Variants in SMARCC1 observed in about 807,000 individuals in gnomAD.
SMARCC1 encodes the protein SWI/SNF related BAF chromatin remodeling complex subunit C1.
A neutral mutation model predicts 147.4 loss-of-function variants in SMARCC1; 43 were observed. That is an observed-to-expected ratio of 0.29 (90% CI 0.23 to 0.38). The LOEUF (loss-of-function observed/expected upper bound fraction) is 0.38, where lower values mean the gene tolerates loss of function less well. Ranked by LOEUF, SMARCC1 falls within the 10% of genes least tolerant of loss-of-function variation. The pLI is 1.00. For synonymous variants in SMARCC1, 495 were observed against 484.4 expected (o/e 1.02, Z -0.29); for missense variants, 1,119 against 1,381.1 (o/e 0.81, Z 3.01).
intron 27 of SMARCC1, among the ~76,000 whole-genome samples, chr3:47,590,340 C>T (rs912528031): frequency 5.9e-5 from 9 of 152,084 alleles, no homozygotes; most frequent in African/African-American, 1.9e-4. Flanking sequence ...AAACCACCAC[C>T]AGTAGCTCTA....
intron 26 of SMARCC1, chr3:47,603,974 A>G (rs530955334): frequency 2.2e-6 from 1 of 455,648 alleles, no homozygotes; most frequent in Admixed American, 2.4e-5. Context: ...GCCAAGGAAG[A>G]GCAATAGAGG....
chr3:47,621,532 T>C (rs1338543596), intron 25 of SMARCC1, among the ~76,000 whole-genome samples: 1 of 152,158 alleles, frequency 6.6e-6, no homozygotes, highest in Non-Finnish European at 1.5e-5. Context: ...CTGGAGGCCA[T>C]TATTCTAAGT....
intron 25 of SMARCC1, 71 bp from the exon 26 acceptor site, chr3:47,610,398 A>G (rs2032548205): frequency 2.0e-6 from 3 of 1,526,612 alleles, no homozygotes. Flanking sequence ...ACAAAGGACA[A>G]CTACATAATG....
chr3:47,738,213 TTAAAA>T, intron 3 of SMARCC1, 103 bp from the exon 4 acceptor site: 1 of 674,342 alleles, frequency 1.5e-6, no homozygotes. Flanking sequence ...GATTTGAAAA[TTAAAA>T]TAACTCTACA....
rs529591722 is a variant in SMARCC1 at position 47,733,533 on chromosome 3, G to A, written c.576+2501C>T. ...CACTTTGGGCAGATCATGAAGTCAG[G>A]AATTCGAGACCAGCCTTTCCAATAT... is the stretch of plus-strand genomic sequence containing the variant. On this transcript the variant is annotated intron_variant, in intron 5 of 27. Transcript: ENST00000254480. Among the ~76,000 whole-genome samples the A allele has an allele frequency of 2.0e-5, 3 of 152,114 alleles. No individual in the cohort carries two copies. In the East Asian group the frequency reaches 5.8e-4, roughly 29 times the overall value.
intron 2 of SMARCC1, among the ~76,000 whole-genome samples, chr3:47,753,414 T>C (rs978485532): frequency 5.3e-5 from 8 of 151,286 alleles, no homozygotes; most frequent in South Asian, 4.2e-4. Flanking sequence ...CCTTTATTTA[T>C]TCATAAAAGA....
intron 8 of SMARCC1, 129 bp from the exon 9 acceptor site, chr3:47,710,937 C>CA (rs1294000171): frequency 6.8e-6 from 4 of 587,034 alleles, no homozygotes; most frequent in Non-Finnish European, 1.1e-5. Context: ...TAATGTGATA[C>CA]TACTAATGAT....
chr3:47,632,368 G>A lies in SMARCC1; in HGVS notation c.2646+2822C>T, dbSNP rs140717425. On this transcript the variant is annotated intron_variant, in intron 24 of 27. Coordinates refer to ENST00000254480, the MANE Select transcript of SMARCC1 (RefSeq NM_003074.4). ...GCCCAGGCTGGTCCTGAACTCCTGA[G>A]CAAATGTGATCCTCCTGCCTTGGCC... Among the ~76,000 whole-genome samples the A allele has an allele frequency of 3.7e-3, 561 of 152,146 alleles. 4 individuals are homozygous for A. Among genetic ancestry groups the A allele is most frequent in the African/African-American group, 9.7e-3 (401 of 41,518 alleles).
chr3:47,734,586 G>A (rs1044027808), intron 5 of SMARCC1, among the ~76,000 whole-genome samples: 8 of 152,144 alleles, frequency 5.3e-5, no homozygotes, highest in African/African-American at 1.9e-4. Flanking sequence ...TATCTTCTAC[G>A]TAAGTCTCCT....
At chr3:47,652,051 T>C (rs1215024822) in intron 21 of SMARCC1, among the ~76,000 whole-genome samples, 1 of 151,908 alleles carries the variant, frequency 6.6e-6, no homozygotes, top group Non-Finnish European at 1.5e-5. Context: ...GGATCACAGC[T>C]CTCTGTAGCT....
At chr3:47,654,654 T>G (rs191097883) in intron 21 of SMARCC1, among the ~76,000 whole-genome samples, 1 of 152,360 alleles carries the variant, frequency 6.6e-6, no homozygotes, top group East Asian at 1.9e-4. Flanking sequence ...CAAAGGATTT[T>G]GTTCTGTGTC....
chr3:47,595,612 T>C lies in SMARCC1; in HGVS notation c.3044-4775A>G, dbSNP rs2032262393. Among the ~76,000 whole-genome samples the C allele has an allele frequency of 2.0e-5, 3 of 152,110 alleles. No individual in the cohort carries two copies. In the South Asian group the frequency reaches 6.2e-4, roughly 32 times the overall value. On this transcript the variant is annotated intron_variant, in intron 26 of 27. Transcript: ENST00000254480. ...TAAAACAATCAGAAAATAATGTTAA[T>C]GTCACTCCCATTATTACTGAGAGGT...
intron 19 of SMARCC1, among the ~76,000 whole-genome samples, chr3:47,664,512 C>A (rs1249199785): frequency 6.6e-6 from 1 of 151,898 alleles, no homozygotes; most frequent in Non-Finnish European, 1.5e-5. Flanking sequence ...AGAGAAAATC[C>A]TGAAAGAAAC....
intron 5 of SMARCC1, 107 bp downstream of exon 5, chr3:47,735,927 A>G (rs1172734570): frequency 5.7e-6 from 3 of 527,172 alleles, no homozygotes; most frequent in East Asian, 3.4e-5. Context: ...TGATGCAAAT[A>G]TATCAAAAAA....
chr3:47,700,444 C>T (rs2106786523), intron 11 of SMARCC1, among the ~76,000 whole-genome samples: 1 of 152,264 alleles, frequency 6.6e-6, no homozygotes, highest in South Asian at 2.1e-4. Flanking sequence ...TGATCACTGG[C>T]TCACTGAGGA....
intron 26 of SMARCC1, among the ~76,000 whole-genome samples, chr3:47,592,326 C>T (rs2106640079): frequency 6.6e-6 from 1 of 152,348 alleles, no homozygotes; most frequent in Non-Finnish European, 1.5e-5. Context: ...AGATGATACA[C>T]AACAAATGGA....
Position 47,610,259 on chromosome 3 carries a change from A to C in SMARCC1, c.2850T>G (p.Ala950=). 6.2e-7 allele frequency: 1 copy of C among 1,614,188 alleles called. No individual in the cohort carries two copies. The highest frequency in any genetic ancestry group is 2.2e-5 in the East Asian group (1 of 44,886). Residue 950 remains alanine, a synonymous_variant, in exon 26 of 28, where the codon GCT becomes GCG. Coordinates refer to ENST00000254480, the MANE Select transcript of SMARCC1 (RefSeq NM_003074.4). ...QNFHMEQLKY[A]ELRARQQMEQ... is the part of the protein sequence containing the mutation. ...CCATTTGCTGTCGTGCTCGTAATTC[A>C]GCATACTTCAGCTGTTCCATGTGGA...
At chr3:47,615,042 C>T (rs149961833) in intron 25 of SMARCC1, among the ~76,000 whole-genome samples, 1,613 of 152,296 alleles carry the variant, frequency 0.011, 23 homozygotes, top group Admixed American at 0.021. Context: ...GAAGTGCTTG[C>T]CCATCAACTG....
At chr3:47,719,150 G>A (rs191563217) in intron 7 of SMARCC1, among the ~76,000 whole-genome samples, 5 of 151,976 alleles carry the variant, frequency 3.3e-5, no homozygotes, top group African/African-American at 9.6e-5. Flanking sequence ...TCCTGACCTC[G>A]TGATCCGCCC....
Sources: allele counts gnomAD v4.1 joint callset (sites outside exome capture counted in the v4.1 genomes callset), GRCh38; gene constraint gnomAD v4.1.1; transcripts MANE v1.5; gene names NCBI Gene and HGNC (gene_info 2026-07-23, HGNC 2026-07-21).